CDH4: variants seen among roughly 807,000 people sequenced by gnomAD.
CDH4 encodes the protein cadherin 4.
CDH4 carries 33 observed loss-of-function variants against 86.0 expected under a neutral mutation model. That is an observed-to-expected ratio of 0.38 (90% CI 0.29 to 0.51). CDH4 has a LOEUF of 0.51. Ranked by LOEUF, CDH4 falls within the 20% of genes least tolerant of loss-of-function variation. CDH4 has a pLI of 0.86. For missense variants in CDH4, 1,114 were observed against 1,307.4 expected, an observed-to-expected ratio of 0.85 and a Z score of 2.28; for synonymous variants, 555 against 549.4, an observed-to-expected ratio of 1.01 and a Z score of -0.14.
At chr20:61,701,069 G>T (rs547024320) in intron 2 of CDH4, among the ~76,000 whole-genome samples, 1 of 152,184 alleles carries the variant, frequency 6.6e-6, no homozygotes, top group African/African-American at 2.4e-5. Context: ...GACGAAAGCC[G>T]TCAGAGAGCT....
At chr20:61,557,495 A>T (rs561325924) in intron 2 of CDH4, among the ~76,000 whole-genome samples, 6 of 152,306 alleles carry the variant, frequency 3.9e-5, no homozygotes, top group Admixed American at 3.3e-4. Flanking sequence ...AGTAAATTTT[A>T]TGCCCTCCAG....
intron 2 of CDH4, among the ~76,000 whole-genome samples, chr20:61,498,478 C>A: frequency 6.6e-6 from 1 of 152,190 alleles, no homozygotes; most frequent in East Asian, 1.9e-4. Flanking sequence ...ATTGTCTACT[C>A]ACTGCTGAAT....
intron 4 of CDH4, among the ~76,000 whole-genome samples, chr20:61,804,540 C>T (rs1980021871): frequency 6.6e-6 from 1 of 152,234 alleles, no homozygotes; most frequent in Non-Finnish European, 1.5e-5. Context: ...CCCCTTCCTC[C>T]TGAAGCCTCC....
At chr20:61,721,030 G>T (rs1475449880) in intron 2 of CDH4, among the ~76,000 whole-genome samples, 1 of 152,144 alleles carries the variant, frequency 6.6e-6, no homozygotes, top group African/African-American at 2.4e-5. Flanking sequence ...TGTCCCCCCG[G>T]CTCCCTGCCC....
intron 2 of CDH4, among the ~76,000 whole-genome samples, chr20:61,530,468 C>T (rs1306238786): frequency 6.6e-6 from 1 of 151,992 alleles, no homozygotes. Context: ...AGTGACTCTG[C>T]CATCACTGTG....
At chr20:61,882,405 G>A (rs1984322069) in intron 7 of CDH4, among the ~76,000 whole-genome samples, 1 of 152,266 alleles carries the variant, frequency 6.6e-6, no homozygotes, top group African/African-American at 2.4e-5. Context: ...CAGAGGTGCA[G>A]TTTGTATTAA....
At chr20:61,887,128 A>T (rs1281420547) in intron 7 of CDH4, among the ~76,000 whole-genome samples, 1 of 151,144 alleles carries the variant, frequency 6.6e-6, no homozygotes, top group African/African-American at 2.4e-5. Context: ...CCCAGAGAAC[A>T]TCCCAGAAAA....
At chr20:61,743,101 T>C (rs2088364013) in intron 2 of CDH4, among the ~76,000 whole-genome samples, 1 of 152,226 alleles carries the variant, frequency 6.6e-6, no homozygotes. Flanking sequence ...TCTCTCTTGC[T>C]CCTTCCTTGT....
At chr20:61,570,921 G>A (rs73914869) in intron 2 of CDH4, among the ~76,000 whole-genome samples, 3,168 of 152,308 alleles carry the variant, frequency 0.021, 75 homozygotes, top group African/African-American at 0.056. Flanking sequence ...GTATGGAGGC[G>A]CTTAAGTAGG....
chr20:61,675,884 G>A (rs1278404228), intron 2 of CDH4, among the ~76,000 whole-genome samples: 1 of 152,236 alleles, frequency 6.6e-6, no homozygotes, highest in Non-Finnish European at 1.5e-5. Flanking sequence ...TGAGGCCAGG[G>A]TGCCCCTCAC....
At chr20:61,299,806 G>A (rs1243482709) in intron 2 of CDH4, among the ~76,000 whole-genome samples, 6 of 152,112 alleles carry the variant, frequency 3.9e-5, no homozygotes, top group African/African-American at 1.2e-4. Context: ...GAGGACTAGC[G>A]CCAAAAAACA....
chr20:61,364,247 G>A lies in CDH4; in HGVS notation c.169+109310G>A, dbSNP rs532512917. ...GTGGCCAGGCACCTTGGGAAGTGAC[G>A]TCTCCCAGGGAACCCACATGGAAGC... On this transcript the variant is annotated intron_variant, in intron 2 of 15. Transcript: ENST00000614565. Among the ~76,000 whole-genome samples the A allele has an allele frequency of 2.6e-4, 39 of 152,232 alleles. 1 individual carries two copies. Among genetic ancestry groups the A allele is most frequent in the South Asian group, 1.5e-3 (7 of 4,814 alleles).
At chr20:61,595,804 G>A (rs1441264506) in intron 2 of CDH4, among the ~76,000 whole-genome samples, 1 of 152,244 alleles carries the variant, frequency 6.6e-6, no homozygotes, top group African/African-American at 2.4e-5. Context: ...GAGCACGTGG[G>A]TGGGAAAGAT....
At chr20:61,493,764 G>A (rs181796367) in intron 2 of CDH4, among the ~76,000 whole-genome samples, 16 of 152,348 alleles carry the variant, frequency 1.1e-4, no homozygotes, top group Admixed American at 1.0e-3. Flanking sequence ...TCAGAGTCAT[G>A]ATAAACTTTC....
chr20:61,898,804 C>G (rs1301003845), intron 8 of CDH4, among the ~76,000 whole-genome samples: 1 of 152,182 alleles, frequency 6.6e-6, no homozygotes, highest in East Asian at 1.9e-4. Context: ...AAGTTTAAGA[C>G]TTCAGCAATA....
In CDH4 at chr20:61,324,336, G is replaced by A. The variant is rs192451514; in HGVS notation, c.169+69399G>A. 2.0e-3 allele frequency among the ~76,000 whole-genome samples: 301 copies of A among 152,278 alleles called. 1 individual carries two copies. The highest frequency in any genetic ancestry group is 6.8e-3 in the African/African-American group (284 of 41,540). Reference sequence around the variant, plus strand: ...GCCACAACAAATTTTCCCAAACTGGGGGGGCTTAAAACAACAGATCTCTTT... The same window carrying A: ...GCCACAACAAATTTTCCCAAACTGGAGGGGCTTAAAACAACAGATCTCTTT... On this transcript the variant is annotated intron_variant, in intron 2 of 15. Transcript: ENST00000614565.
chr20:61,364,869 A>G (rs1371172677), intron 2 of CDH4, among the ~76,000 whole-genome samples: 4 of 152,236 alleles, frequency 2.6e-5, no homozygotes, highest in African/African-American at 4.8e-5. Flanking sequence ...CAGTGGTGAC[A>G]GCACCTGTTG....
chr20:61,900,238 T>G (rs1416928352), intron 8 of CDH4, among the ~76,000 whole-genome samples: 1 of 152,042 alleles, frequency 6.6e-6, no homozygotes, highest in African/African-American at 2.4e-5. Context: ...AGGGAGAAAT[T>G]ACGATTCAGC....
At chr20:61,411,810 G>A (rs1178264530) in intron 2 of CDH4, among the ~76,000 whole-genome samples, 1 of 152,218 alleles carries the variant, frequency 6.6e-6, no homozygotes, top group African/African-American at 2.4e-5. Context: ...CAGCTGGCCG[G>A]CATGGGCACA....
Sources: gnomAD v4.1 joint callset for allele counts (sites outside exome capture counted in the v4.1 genomes callset) on GRCh38, gnomAD v4.1.1 for gene constraint, MANE v1.5 for transcripts, NCBI Gene and HGNC (gene_info 2026-07-23, HGNC 2026-07-21) for gene names.